The following FHIT variants were observed in gnomAD, a reference collection of about 807,000 sequenced individuals.
The protein encoded by FHIT is fragile histidine triad diadenosine triphosphatase.
In FHIT, 19 loss-of-function variants were observed where a neutral mutation model predicts 17.9. The observed-to-expected ratio is 1.06, with a 90% CI of 0.74 to 1.56. The LOEUF (loss-of-function observed/expected upper bound fraction) is 1.56, where lower values mean the gene tolerates loss of function less well. FHIT is among the 40% of genes most tolerant of loss of function. The pLI is 0.00. For synonymous variants in FHIT, 81 were observed against 69.7 expected (o/e 1.16, Z -0.81); for missense variants, 248 against 189.2 (o/e 1.31, Z -1.82).
intron 5 of FHIT, among the ~76,000 whole-genome samples, chr3:60,121,459 G>A (rs7611309): frequency 6.6e-6 from 1 of 151,788 alleles, no homozygotes; most frequent in African/African-American, 2.4e-5. Flanking sequence ...GCAGAGGTGG[G>A]TGGATCATTT....
rs568221150 is a variant in FHIT, at chr3:60,959,746, T to C, written c.-111+82301A>G. Among the ~76,000 whole-genome samples, 13 of 151,180 alleles carry C rather than the reference T, an allele frequency of 8.6e-5. No homozygotes were observed. In the South Asian group the frequency reaches 2.7e-3, roughly 32 times the overall value. Reference sequence around the variant, plus strand: ...ATTTTGAGGAGGAAAAAGGGCAGTGTAGTTTGCGTGCAAAAACCAGGTGAG... The same window carrying C: ...ATTTTGAGGAGGAAAAAGGGCAGTGCAGTTTGCGTGCAAAAACCAGGTGAG... On this transcript the variant is annotated intron_variant, in intron 3 of 9. Transcript: ENST00000492590.
intron 8 of FHIT, among the ~76,000 whole-genome samples, chr3:59,815,674 G>T (rs1267270311): frequency 6.6e-6 from 1 of 152,092 alleles, no homozygotes; most frequent in African/African-American, 2.4e-5. Flanking sequence ...CTTATAAGTG[G>T]GAGCTAAGCT....
intron 8 of FHIT, among the ~76,000 whole-genome samples, chr3:59,808,262 G>A (rs951149841): frequency 6.6e-6 from 1 of 152,160 alleles, no homozygotes; most frequent in Non-Finnish European, 1.5e-5. Flanking sequence ...GGTTTGAAAG[G>A]GGGCTTGGTA....
chr3:60,871,690 A>G (rs1211014330), intron 3 of FHIT, among the ~76,000 whole-genome samples: 2 of 152,052 alleles, frequency 1.3e-5, no homozygotes, highest in African/African-American at 4.8e-5. Context: ...CTAGAGTGCA[A>G]TGGCACAATC....
intron 8 of FHIT, among the ~76,000 whole-genome samples, chr3:59,827,912 T>C (rs1701031716): frequency 6.6e-6 from 1 of 152,256 alleles, no homozygotes; most frequent in East Asian, 1.9e-4. Flanking sequence ...TCCATCGTTC[T>C]CTGCAAATTT....
At chr3:60,335,997 C>T (rs577741395) in intron 5 of FHIT, among the ~76,000 whole-genome samples, 3 of 152,258 alleles carry the variant, frequency 2.0e-5, no homozygotes, top group Admixed American at 1.3e-4. Context: ...AAAAAGTGTG[C>T]TTTCTATCAT....
intron 8 of FHIT, among the ~76,000 whole-genome samples, chr3:59,863,234 C>A (rs1032778131): frequency 1.3e-5 from 2 of 152,186 alleles, no homozygotes; most frequent in Admixed American, 6.5e-5. Flanking sequence ...TAATGAACAT[C>A]AGAGGGACGT....
chr3:59,780,986 A>G (rs958445833), intron 8 of FHIT, among the ~76,000 whole-genome samples: 2 of 152,194 alleles, frequency 1.3e-5, no homozygotes, highest in African/African-American at 4.8e-5. Flanking sequence ...TATAAATATA[A>G]TCATTTGTAT....
chr3:61,035,329 A>G (rs1355368547), intron 3 of FHIT, among the ~76,000 whole-genome samples: 3 of 152,070 alleles, frequency 2.0e-5, no homozygotes, highest in Non-Finnish European at 4.4e-5. Flanking sequence ...TATTTTTTGC[A>G]TTTCACATGT....
In FHIT at chr3:60,480,033, C is replaced by T. The variant is rs116284278; in HGVS notation, c.103+56827G>A. On this transcript the variant is annotated intron_variant, in intron 5 of 9. Transcript: ENST00000492590. ...TAAAGATATTACCAGAGACTGGGTA[C>T]TTTATGAAGAGAAGAGGCTTAATTG... Among the ~76,000 whole-genome samples, 1,141 of 152,200 alleles carry T rather than the reference C, an allele frequency of 7.5e-3. 17 individuals carry two copies. Among genetic ancestry groups the T allele is most frequent in the African/African-American group, 0.024 (986 of 41,502 alleles).
chr3:59,821,672 C>T (rs1559635641), intron 8 of FHIT, among the ~76,000 whole-genome samples: 1 of 152,168 alleles, frequency 6.6e-6, no homozygotes, highest in African/African-American at 2.4e-5. Flanking sequence ...CCTGCTGATG[C>T]CCCACCATGT....
intron 5 of FHIT, among the ~76,000 whole-genome samples, chr3:60,199,205 G>A (rs989317173): frequency 6.6e-6 from 1 of 152,140 alleles, no homozygotes; most frequent in African/African-American, 2.4e-5. Context: ...ATTCCACTGG[G>A]AGGAACAATG....
chr3:60,363,235 T>G (rs1333889443), intron 5 of FHIT, among the ~76,000 whole-genome samples: 1 of 152,146 alleles, frequency 6.6e-6, no homozygotes, highest in African/African-American at 2.4e-5. Flanking sequence ...TCTACCCAGT[T>G]TGTGTCCCCA....
intron 7 of FHIT, among the ~76,000 whole-genome samples, chr3:59,955,052 G>A (rs13081936): frequency 0.34 from 51,483 of 152,146 alleles, 10,427 homozygotes; most frequent in East Asian, 0.62. Context: ...TTACAACTGT[G>A]TGGCTAGGTT....
intron 4 of FHIT, among the ~76,000 whole-genome samples, chr3:60,572,244 A>G (rs954665689): frequency 4.0e-5 from 6 of 150,532 alleles, no homozygotes; most frequent in Non-Finnish European, 7.4e-5. Context: ...CTGTGCATGC[A>G]TATACACACA....
intron 5 of FHIT, among the ~76,000 whole-genome samples, chr3:60,220,279 G>A (rs546838425): frequency 5.3e-5 from 8 of 152,082 alleles, no homozygotes; most frequent in East Asian, 1.9e-4. Context: ...ATAAAACTGG[G>A]TATAAATGCT....
chr3:60,837,313 T>C (rs1702572615), intron 3 of FHIT, among the ~76,000 whole-genome samples: 1 of 152,188 alleles, frequency 6.6e-6, no homozygotes, highest in African/African-American at 2.4e-5. Context: ...TTAAAATGCA[T>C]TTGGAAGTTA....
At position 59,985,276 on chromosome 3, in the gene FHIT, C is replaced by T. The variant is rs147316726; in HGVS notation, c.279+26095G>A. Among the ~76,000 whole-genome samples, 552 of 152,168 alleles carry T rather than the reference C, an allele frequency of 3.6e-3. 1 individual carries two copies. The highest frequency in any genetic ancestry group is 6.2e-3 in the Admixed American group (94 of 15,276). On this transcript the variant is annotated intron_variant, in intron 7 of 9. Transcript: ENST00000492590. ...TCTCCATTACAAACACAGAATGCTC[C>T]GCCTTCCAAATGCCACAGAATTCCA...
chr3:61,188,308 A>G (rs1008015480), intron 2 of FHIT, among the ~76,000 whole-genome samples: 1 of 152,254 alleles, frequency 6.6e-6, no homozygotes, highest in Admixed American at 6.5e-5. Context: ...AAACACCTCT[A>G]TGCAAATAAA....
Sources: allele counts gnomAD v4.1 joint callset (sites outside exome capture counted in the v4.1 genomes callset), GRCh38; gene constraint gnomAD v4.1.1; transcripts MANE v1.5; gene names NCBI Gene and HGNC (gene_info 2026-07-23, HGNC 2026-07-21).